The following EYS variants were observed in gnomAD, a reference collection of about 807,000 sequenced individuals.
EYS encodes EGF-like photoreceptor maintenance factor.
A neutral mutation model predicts 282.1 loss-of-function variants in EYS; 250 were observed. The observed-to-expected ratio is 0.89, with a 90% confidence interval of 0.80 to 0.98. The LOEUF (loss-of-function observed/expected upper bound fraction) is 0.98, where lower values mean the gene tolerates loss of function less well. Ranked by LOEUF, EYS falls within the 50% of genes least tolerant of loss-of-function variation. EYS has a pLI of 0.00. For missense variants in EYS, 4,016 were observed against 3,709.0 expected, an observed-to-expected ratio of 1.08 and a Z score of -2.15; for synonymous variants, 1,355 against 1,282.9, an observed-to-expected ratio of 1.06 and a Z score of -1.20.
intron 2 of EYS, among the ~76,000 whole-genome samples, chr6:65,597,562 G>A (rs745916516): frequency 1.2e-4 from 19 of 152,092 alleles, no homozygotes; most frequent in Non-Finnish European, 1.9e-4. Context: ...ATTTTCAATT[G>A]TAGCCTTGCA....
intron 31 of EYS, among the ~76,000 whole-genome samples, chr6:64,125,673 C>T (rs539739721): frequency 2.0e-5 from 3 of 151,054 alleles, no homozygotes; most frequent in Non-Finnish European, 4.4e-5. Flanking sequence ...GTAGTCCCAG[C>T]TACTCAGGAG....
chr6:64,507,552 G>A (rs1777249980), intron 26 of EYS, among the ~76,000 whole-genome samples: 1 of 152,090 alleles, frequency 6.6e-6, no homozygotes, highest in Non-Finnish European at 1.5e-5. Flanking sequence ...TATTTCAAAT[G>A]ACAACCATAA....
At chr6:65,156,347 A>G (rs1006445590) in intron 12 of EYS, among the ~76,000 whole-genome samples, 10 of 151,100 alleles carry the variant, frequency 6.6e-5, no homozygotes, top group African/African-American at 2.4e-4. Flanking sequence ...CATATCCCGT[A>G]TTCTTGTAGT....
rs535821245 is a variant in EYS, at chr6:64,443,917, T to G, written c.5645-4565A>C. ...ACTAATAGAGTCATTAAAAAAGATT[T>G]CTGGGGGATGCTCAAGACATTTTTC... On this transcript the variant is annotated intron_variant, in intron 26 of 42. Transcript: ENST00000503581. Among the ~76,000 whole-genome samples the G allele has an allele frequency of 4.6e-5, 7 of 152,316 alleles. No homozygotes were observed. In the East Asian group the frequency reaches 1.2e-3, roughly 25 times the overall value.
At chr6:64,465,010 T>C (rs1391147616) in intron 26 of EYS, among the ~76,000 whole-genome samples, 4 of 151,692 alleles carry the variant, frequency 2.6e-5, no homozygotes, top group Non-Finnish European at 5.9e-5. Flanking sequence ...TAAATGAATA[T>C]TAAAATAAGT....
At chr6:64,118,035 A>AG (rs1773448236) in intron 31 of EYS, among the ~76,000 whole-genome samples, 1 of 152,086 alleles carries the variant, frequency 6.6e-6, no homozygotes, top group Admixed American at 6.5e-5. Flanking sequence ...ATGAAAAAAA[A>AG]TGGAAGGGGA....
chr6:65,061,653 T>TAC (rs747091493), intron 12 of EYS, among the ~76,000 whole-genome samples: 8 of 151,266 alleles, frequency 5.3e-5, no homozygotes, highest in Non-Finnish European at 7.4e-5. Context: ...CACACACACA[T>TAC]ACACACACAC....
intron 31 of EYS, among the ~76,000 whole-genome samples, chr6:64,204,129 G>T (rs1765550688): frequency 1.3e-5 from 2 of 152,120 alleles, no homozygotes; most frequent in South Asian, 4.1e-4. Context: ...ATTAAAAGGG[G>T]TTAATATGGA....
chr6:64,825,794 G>T (rs1344377244), intron 19 of EYS, among the ~76,000 whole-genome samples: 1 of 151,696 alleles, frequency 6.6e-6, no homozygotes, highest in Non-Finnish European at 1.5e-5. Flanking sequence ...GGTTCACAAT[G>T]ATCTCCCACA....
At chr6:64,875,542 C>T (rs902260833) in intron 19 of EYS, among the ~76,000 whole-genome samples, 1 of 152,042 alleles carries the variant, frequency 6.6e-6, no homozygotes, top group Non-Finnish European at 1.5e-5. Flanking sequence ...CTCGCTGAGT[C>T]TTTGCTCCCT....
chr6:65,415,985 G>C (rs1767217072), intron 5 of EYS, among the ~76,000 whole-genome samples: 1 of 151,912 alleles, frequency 6.6e-6, no homozygotes, highest in African/African-American at 2.4e-5. Context: ...ATTTTGCAGG[G>C]GGTTACAACG....
intron 35 of EYS, among the ~76,000 whole-genome samples, chr6:63,936,914 A>G (rs1040862039): frequency 4.6e-5 from 7 of 152,202 alleles, no homozygotes; most frequent in Non-Finnish European, 8.8e-5. Flanking sequence ...TGTCATGAGG[A>G]TATGTTAAAT....
chr6:64,934,465 A>T (rs188081280), intron 15 of EYS, among the ~76,000 whole-genome samples: 3 of 152,120 alleles, frequency 2.0e-5, no homozygotes, highest in Admixed American at 2.0e-4. Context: ...GTTAATCATG[A>T]TAGTCAAACT....
At chr6:65,701,941 A>T (rs1226686201) in intron 1 of EYS, among the ~76,000 whole-genome samples, 1 of 152,194 alleles carries the variant, frequency 6.6e-6, no homozygotes, top group African/African-American at 2.4e-5. Flanking sequence ...TTCAGTGCAA[A>T]CCCACAAAGG....
chr6:64,101,590 A>T (rs1223016738), intron 31 of EYS, among the ~76,000 whole-genome samples: 3 of 152,078 alleles, frequency 2.0e-5, no homozygotes, highest in Non-Finnish European at 4.4e-5. Context: ...TGTTAGGTTT[A>T]TCGGTATGTC....
intron 41 of EYS, among the ~76,000 whole-genome samples, chr6:63,735,302 T>G (rs913727715): frequency 6.6e-6 from 1 of 152,118 alleles, no homozygotes; most frequent in Admixed American, 6.6e-5. Flanking sequence ...AAGAGGTGTG[T>G]AATAATGGAA....
At position 65,326,926 on chromosome 6, in the gene EYS, C is replaced by G. The variant is rs541686708; in HGVS notation, c.1766+8054G>C. On this transcript the variant is annotated intron_variant, in intron 11 of 42. Transcript: ENST00000503581. Reference sequence around the variant, plus strand: ...ACCACAAAATAAAATTATTTTATTTCTAATAAGTTTTTTAAATCAATTCTT... The same window carrying G: ...ACCACAAAATAAAATTATTTTATTTGTAATAAGTTTTTTAAATCAATTCTT... Among the ~76,000 whole-genome samples, 42 of 151,532 alleles carry G rather than the reference C, an allele frequency of 2.8e-4. 2 individuals are homozygous for G. The highest frequency in any genetic ancestry group is 7.0e-4 in the African/African-American group (29 of 41,482).
At chr6:63,744,713 G>A (rs11754041) in intron 41 of EYS, 13,945 of 159,810 alleles carry the variant, frequency 0.087, 664 homozygotes, top group East Asian at 0.17. Context: ...GATTACGGGC[G>A]CCCACCACTA....
intron 29 of EYS, among the ~76,000 whole-genome samples, chr6:64,325,289 G>A (rs972484218): frequency 7.9e-5 from 12 of 152,288 alleles, no homozygotes; most frequent in African/African-American, 2.9e-4. Flanking sequence ...TAGGCTTGCT[G>A]TGTAGCTAGA....
Sources: gnomAD v4.1 joint callset for allele counts (sites outside exome capture counted in the v4.1 genomes callset) on GRCh38, gnomAD v4.1.1 for gene constraint, MANE v1.5 for transcripts, NCBI Gene and HGNC (gene_info 2026-07-23, HGNC 2026-07-21) for gene names.